TBC1D22A: variants seen among roughly 807,000 people sequenced by gnomAD.
The protein encoded by TBC1D22A is TBC1 domain family member 22A, also known as putative GTPase activator.
In TBC1D22A, 38 loss-of-function variants were observed where a neutral mutation model predicts 60.2. That is an observed-to-expected ratio of 0.63 (90% CI 0.49 to 0.83). The LOEUF is 0.83. Ranked by LOEUF, TBC1D22A falls within the 40% of genes least tolerant of loss-of-function variation. The probability of loss-of-function intolerance (pLI) is 0.00; values close to 1 mark genes in which losing one functional copy is unlikely to be tolerated. For missense variants in TBC1D22A, 628 were observed against 701.0 expected, an observed-to-expected ratio of 0.90 and a Z score of 1.18; for synonymous variants, 302 against 281.7, an observed-to-expected ratio of 1.07 and a Z score of -0.72.
intron 4 of TBC1D22A, among the ~76,000 whole-genome samples, chr22:46,858,657 A>C (rs1468021428): frequency 6.6e-6 from 1 of 152,154 alleles, no homozygotes; most frequent in African/African-American, 2.4e-5. Flanking sequence ...AGGTGGACCG[A>C]GGGGGAGCGC....
chr22:46,912,370 A>G (rs2069996934), intron 8 of TBC1D22A, among the ~76,000 whole-genome samples, 182 bp downstream of exon 8: 1 of 152,238 alleles, frequency 6.6e-6, no homozygotes, highest in Admixed American at 6.5e-5. Flanking sequence ...CTACATGCTC[A>G]ACTACTGAAG....
At chr22:47,146,212 G>A (rs1212268858) in intron 12 of TBC1D22A, among the ~76,000 whole-genome samples, 7 of 152,206 alleles carry the variant, frequency 4.6e-5, no homozygotes, top group Non-Finnish European at 8.8e-5. Flanking sequence ...GTTCCCTGCC[G>A]TCCCTTTCAC....
chr22:47,153,947 C>A (rs1244313164), intron 12 of TBC1D22A, among the ~76,000 whole-genome samples: 1 of 151,840 alleles, frequency 6.6e-6, no homozygotes, highest in African/African-American at 2.4e-5. Flanking sequence ...GCCTGTGGCT[C>A]TGAAGGTCCG....
rs1360252519 is a variant in TBC1D22A, at chr22:46,942,301, C to A, written c.1015+30113C>A. On this transcript the variant is annotated intron_variant, in intron 8 of 12. Coordinates refer to ENST00000337137, the MANE Select transcript of TBC1D22A (RefSeq NM_014346.5). ...TCTGAGCAGTAAATAGGAAAAAATCCTGTTCTGTATTTGGGTGAAAAGCTT... is the reference window on the plus strand; with the variant it reads ...TCTGAGCAGTAAATAGGAAAAAATCATGTTCTGTATTTGGGTGAAAAGCTT... 2.9e-4 allele frequency among the ~76,000 whole-genome samples: 44 copies of A among 151,948 alleles called. 1 individual carries two copies. Among genetic ancestry groups the A allele is most frequent in the Admixed American group, 2.6e-3 (39 of 15,264 alleles).
chr22:47,015,116 T>A (rs1447500662), intron 10 of TBC1D22A, among the ~76,000 whole-genome samples: 1 of 152,194 alleles, frequency 6.6e-6, no homozygotes, highest in Non-Finnish European at 1.5e-5. Context: ...GCAGGGTGTT[T>A]TGGGGGCACA....
chr22:47,081,918 G>T, intron 11 of TBC1D22A, among the ~76,000 whole-genome samples: 1 of 152,320 alleles, frequency 6.6e-6, no homozygotes, highest in East Asian at 1.9e-4. Context: ...AGCACTTTGG[G>T]AGGCCGAGGC....
intron 8 of TBC1D22A, among the ~76,000 whole-genome samples, chr22:46,956,163 A>T (rs1225373485): frequency 2.6e-5 from 4 of 152,214 alleles, no homozygotes; most frequent in African/African-American, 9.6e-5. Flanking sequence ...CCCAGAATTC[A>T]TCTGTTGAAG....
intron 12 of TBC1D22A, among the ~76,000 whole-genome samples, chr22:47,142,767 A>G (rs575886430): frequency 7.1e-5 from 3 of 42,186 alleles, no homozygotes; most frequent in African/African-American, 3.2e-4. Context: ...TATGTATACC[A>G]CCCACCCCCC....
At chr22:46,795,210 C>G (rs2084600113) in intron 3 of TBC1D22A, among the ~76,000 whole-genome samples, 1 of 152,234 alleles carries the variant, frequency 6.6e-6, no homozygotes, top group Non-Finnish European at 1.5e-5. Flanking sequence ...TTCTGCAGGC[C>G]CAGTCCTGGG....
intron 11 of TBC1D22A, among the ~76,000 whole-genome samples, chr22:47,040,111 AT>A (rs1188018770): frequency 1.3e-5 from 2 of 151,388 alleles, no homozygotes; most frequent in Non-Finnish European, 2.9e-5. Flanking sequence ...CGCCCGGCTA[AT>A]TTTTTTGTAT....
intron 4 of TBC1D22A, among the ~76,000 whole-genome samples, chr22:46,865,955 A>C (rs2067033127): frequency 1.3e-5 from 2 of 152,252 alleles, no homozygotes; most frequent in South Asian, 4.1e-4. Context: ...ATCTTACAGC[A>C]GAGTGTGGTG....
chr22:47,073,641 A>G (rs1294619278), intron 11 of TBC1D22A, among the ~76,000 whole-genome samples: 1 of 152,230 alleles, frequency 6.6e-6, no homozygotes, highest in East Asian at 1.9e-4. Flanking sequence ...CAGTGATGGT[A>G]GCAGAAACAA....
intron 5 of TBC1D22A, among the ~76,000 whole-genome samples, chr22:46,884,091 C>T (rs182720689): frequency 1.5e-3 from 229 of 152,244 alleles, no homozygotes; most frequent in Admixed American, 2.6e-3. Context: ...ACGAACATTC[C>T]GCCCTCGTGG....
At chr22:47,102,950 G>C (rs900252036) in intron 11 of TBC1D22A, among the ~76,000 whole-genome samples, 10 of 152,178 alleles carry the variant, frequency 6.6e-5, no homozygotes, top group African/African-American at 1.9e-4. Flanking sequence ...ACTCAGGGCT[G>C]GTTCCCTCAG....
At chr22:46,840,146 G>C (rs908369554) in intron 4 of TBC1D22A, among the ~76,000 whole-genome samples, 1 of 152,162 alleles carries the variant, frequency 6.6e-6, no homozygotes, top group Non-Finnish European at 1.5e-5. Flanking sequence ...ATAATCATCA[G>C]AGTGAAGAGA....
intron 8 of TBC1D22A, among the ~76,000 whole-genome samples, chr22:46,946,899 C>A (rs913648141): frequency 6.6e-6 from 1 of 152,074 alleles, no homozygotes; most frequent in Non-Finnish European, 1.5e-5. Context: ...TTTTATGTCT[C>A]CAGTAGGTTT....
intron 10 of TBC1D22A, among the ~76,000 whole-genome samples, chr22:47,013,660 T>C (rs1272945827): frequency 6.6e-6 from 1 of 152,166 alleles, no homozygotes; most frequent in African/African-American, 2.4e-5. Flanking sequence ...TTGCTGGGGA[T>C]GAGGACAGTT....
rs569044938 is a variant in TBC1D22A at position 46,906,840 on chromosome 22, T to C, written c.901-5234T>C. ...TCTAGGTGCATGTGTGTGTGTTCTT[T>C]TTTGTGTATGTGCACTTGTGCCTCT... On this transcript the variant is annotated intron_variant, in intron 7 of 12. Transcript: ENST00000337137. 1.7e-3 allele frequency among the ~76,000 whole-genome samples: 261 copies of C among 149,340 alleles called. 1 individual carries two copies. The highest frequency in any genetic ancestry group is 2.4e-3 in the Non-Finnish European group (161 of 67,674).
rs77051538 is a variant in TBC1D22A at position 47,124,109 on chromosome 22, C to A, written c.1425+12506C>A. The stretch of plus-strand genomic sequence containing the variant: ...CCGAAGAGGGGTCCTTGTGTGGGAG[C>A]GGCAGAGAGAGAAGGGGACTCTTGG... On this transcript the variant is annotated intron_variant, in intron 12 of 12. Coordinates refer to ENST00000337137, the MANE Select transcript of TBC1D22A (RefSeq NM_014346.5). 9.2e-5 allele frequency among the ~76,000 whole-genome samples: 14 copies of A among 152,144 alleles called. No homozygotes were observed. In the East Asian group the frequency reaches 2.7e-3, roughly 29 times the overall value.
Sources: allele counts gnomAD v4.1 joint callset (sites outside exome capture counted in the v4.1 genomes callset), GRCh38; gene constraint gnomAD v4.1.1; transcripts MANE v1.5; gene names NCBI Gene and HGNC (gene_info 2026-07-23, HGNC 2026-07-21).